INTS7: variants seen among roughly 807,000 people sequenced by gnomAD.
The protein encoded by INTS7 is chromosome 1 open reading frame 73.
A neutral mutation model predicts 109.2 loss-of-function variants in INTS7; 46 were observed. The ratio of observed to expected loss-of-function variants is 0.42; its 90% CI spans 0.33 to 0.54. The LOEUF (loss-of-function observed/expected upper bound fraction) is 0.54. Among genes scored for constraint, INTS7 ranks in the 20% least tolerant of loss-of-function variants. The probability of loss-of-function intolerance (pLI) is 0.07; values close to 1 mark genes in which losing one functional copy is unlikely to be tolerated. For missense variants in INTS7, 929 were observed against 1,132.4 expected (o/e 0.82, Z 2.58); for synonymous variants, 412 against 402.9 (o/e 1.02, Z -0.27).
At chr1:211,990,828 T>G (rs1192057153) in intron 7 of INTS7, among the ~76,000 whole-genome samples, 1 of 152,004 alleles carries the variant, frequency 6.6e-6, no homozygotes, top group Non-Finnish European at 1.5e-5. Flanking sequence ...CCTTAAAAGT[T>G]AGGCAGAATA....
intron 18 of INTS7, among the ~76,000 whole-genome samples, chr1:211,945,556 T>C (rs916714245): frequency 9.9e-5 from 15 of 152,162 alleles, no homozygotes; most frequent in African/African-American, 2.7e-4. Context: ...GAAATTTGAG[T>C]CTTTTTGATA....
chr1:211,944,930 T>C lies in INTS7; in HGVS notation c.2455A>G (p.Ile819Val), dbSNP rs1166997678. ...AGCTGCTGGTTATTCTGGACAGCAA[T>C]GGGCTCTGCAGGATTCCGGGGCGAT... is the stretch of plus-strand genomic sequence containing the variant. ...SPSPRNPAEP[I>V]AVQNNQQLAL... is the part of the protein sequence containing the mutation. The change falls in exon 19 of 20, where the codon ATT becomes GTT. Residue 819 changes from isoleucine to valine, a missense_variant. Transcript: ENST00000366994. The C allele has an allele frequency of 1.9e-6, 3 of 1,614,224 alleles. No individual in the cohort carries two copies. The highest frequency in any genetic ancestry group is 8.5e-7 in the Non-Finnish European group (1 of 1,180,044).
chr1:211,984,633 T>G (rs188175150), intron 8 of INTS7, among the ~76,000 whole-genome samples: 33 of 152,278 alleles, frequency 2.2e-4, no homozygotes, highest in Admixed American at 2.2e-3. Flanking sequence ...TTTTCTAAGA[T>G]AAACTCACAA....
chr1:211,960,284 G>C (rs1663556470), intron 16 of INTS7, among the ~76,000 whole-genome samples: 1 of 151,134 alleles, frequency 6.6e-6, no homozygotes, highest in Non-Finnish European at 1.5e-5. Flanking sequence ...TCATCAAATA[G>C]GATTAAAAAA....
intron 13 of INTS7, among the ~76,000 whole-genome samples, chr1:211,970,138 C>T (rs1276483549): frequency 6.6e-6 from 1 of 152,050 alleles, no homozygotes; most frequent in East Asian, 1.9e-4. Context: ...TCAGAAAGCA[C>T]AGAGAAGACA....
At chr1:212,034,117 CTT>C (rs139786473) in intron 1 of INTS7, among the ~76,000 whole-genome samples, 1 of 148,988 alleles carries the variant, frequency 6.7e-6, no homozygotes, top group African/African-American at 2.5e-5. Flanking sequence ...TAGTATTATA[CTT>C]TTTTTTTTCA....
chr1:212,001,877 C>T (rs1379888288), intron 7 of INTS7, among the ~76,000 whole-genome samples: 1 of 152,222 alleles, frequency 6.6e-6, no homozygotes, highest in Non-Finnish European at 1.5e-5. Flanking sequence ...TTCCCTAAAT[C>T]TTCTCTAGCC....
chr1:211,951,881 G>T (rs577481033), intron 17 of INTS7, among the ~76,000 whole-genome samples: 1 of 152,340 alleles, frequency 6.6e-6, no homozygotes, highest in East Asian at 1.9e-4. Flanking sequence ...AAATTTGGGT[G>T]AGAGTATGTT....
intron 13 of INTS7, among the ~76,000 whole-genome samples, chr1:211,974,765 G>C (rs976374911): frequency 6.6e-6 from 1 of 152,060 alleles, no homozygotes; most frequent in Non-Finnish European, 1.5e-5. Flanking sequence ...TAGAATCTTC[G>C]ATAATTTCTC....
At chr1:211,973,107 T>G (rs530400536) in intron 13 of INTS7, among the ~76,000 whole-genome samples, 6 of 152,266 alleles carry the variant, frequency 3.9e-5, no homozygotes, top group Admixed American at 2.6e-4. Context: ...CATGCCACCA[T>G]GCCTGGCTAA....
rs1662580039 is a variant in INTS7 at position 211,940,453 on chromosome 1, T to C, written c.*1371A>G. On this transcript the variant is annotated 3_prime_UTR_variant, in exon 20 of 20. Coordinates refer to ENST00000366994, the MANE Select transcript of INTS7 (RefSeq NM_015434.4). ...AAAGGAAATTCCAGGGAAAGTACCC[T>C]GCTTTACCTTAGGAGCTGCATCCGG... 6.6e-6 allele frequency: 1 copy of C among 152,206 alleles called. No individual in the cohort carries two copies. Among genetic ancestry groups the C allele is most frequent in the South Asian group, 2.1e-4 (1 of 4,836 alleles). The allele number at this position is 152,206 out of a possible 1,614,324, so 9.4% of individuals were successfully genotyped here. A position where few individuals can be genotyped will look rare whatever the true frequency, so the allele number is the denominator to read the frequency against.
chr1:212,027,333 T>C (rs149181001), intron 1 of INTS7, among the ~76,000 whole-genome samples: 145 of 152,348 alleles, frequency 9.5e-4, no homozygotes, highest in African/African-American at 3.3e-3. Context: ...CTAGACATTT[T>C]ATTTGTATTG....
chr1:212,007,545 G>T, intron 5 of INTS7, 96 bp from the exon 6 acceptor site: 1 of 773,868 alleles, frequency 1.3e-6, no homozygotes. Context: ...AATTGCACTT[G>T]AAAAACACAG....
chr1:211,960,131 G>T (rs947862344), intron 16 of INTS7, among the ~76,000 whole-genome samples: 1 of 152,158 alleles, frequency 6.6e-6, no homozygotes, highest in Non-Finnish European at 1.5e-5. Flanking sequence ...GCCTCAAGGA[G>T]CCAGAGAACA....
chr1:212,006,255 A>C (rs1665905047), intron 7 of INTS7, among the ~76,000 whole-genome samples: 1 of 152,178 alleles, frequency 6.6e-6, no homozygotes, highest in Non-Finnish European at 1.5e-5. Context: ...TATATTTCCC[A>C]AGTTGCCCAT....
rs763365231 is a variant in INTS7 at position 211,978,391 on chromosome 1, G to C, written c.1351C>G (p.His451Asp). The C allele has an allele frequency of 1.9e-6, 3 of 1,614,192 alleles. No individual in the cohort carries two copies. In the South Asian group the frequency reaches 3.3e-5, roughly 18 times the overall value. The stretch of plus-strand genomic sequence containing the variant: ...TGCATGGCAATGGCTGCCAGGCAAT[G>C]GCACATCAAAATCCGGGCAGCGTCT... ...AQDAARILMCHCLAAIAMQLP... is the reference protein window; with the variant it reads ...AQDAARILMCDCLAAIAMQLP... The change falls in exon 11 of 20, where the codon CAT becomes GAT. Residue 451 changes from histidine (H) to aspartate (D), a missense_variant. Coordinates refer to ENST00000366994, the MANE Select transcript of INTS7 (RefSeq NM_015434.4).
chr1:211,980,818 T>G (rs547651958), intron 10 of INTS7, among the ~76,000 whole-genome samples: 14 of 152,200 alleles, frequency 9.2e-5, no homozygotes, highest in Non-Finnish European at 1.2e-4. Context: ...CCTTAAAATA[T>G]TCTTCCCTTG....
intron 5 of INTS7, among the ~76,000 whole-genome samples, 161 bp from the exon 6 acceptor site, chr1:212,007,610 A>T (rs1277483714): frequency 6.6e-6 from 1 of 152,224 alleles, no homozygotes; most frequent in African/African-American, 2.4e-5. Context: ...TGATAAATTC[A>T]ATATTTTTTC....
intron 6 of INTS7, 113 bp from the exon 7 acceptor site, chr1:212,006,874 C>T (rs906459027): frequency 2.5e-6 from 2 of 815,410 alleles, no homozygotes; most frequent in Non-Finnish European, 3.8e-6. Flanking sequence ...CAAATCAGAG[C>T]CCTGTCACTC....
Sources: allele counts gnomAD v4.1 joint callset (sites outside exome capture counted in the v4.1 genomes callset), GRCh38; gene constraint gnomAD v4.1.1; transcripts MANE v1.5; gene names NCBI Gene and HGNC (gene_info 2026-07-23, HGNC 2026-07-21).